Variants in HMCN1 observed in about 807,000 individuals in gnomAD.
HMCN1 encodes the protein hemicentin 1, also known as hemicentin-1.
Under a neutral mutation model 625.9 loss-of-function variants are expected in HMCN1, and 321 were observed. The ratio of observed to expected loss-of-function variants is 0.51; its 90% CI spans 0.47 to 0.56. The LOEUF (loss-of-function observed/expected upper bound fraction) is 0.56, where lower values mean the gene tolerates loss of function less well. HMCN1 is among the 20% of genes least tolerant of loss of function. HMCN1 has a pLI of 0.00. For missense variants in HMCN1, 6,588 were observed against 6,887.3 expected (o/e 0.96, Z 1.54); for synonymous variants, 2,425 against 2,417.6 (o/e 1.00, Z -0.09).
intron 1 of HMCN1, among the ~76,000 whole-genome samples, chr1:185,840,608 A>G (rs1212692264): frequency 1.3e-5 from 2 of 152,158 alleles, no homozygotes; most frequent in African/African-American, 4.8e-5. Flanking sequence ...CAGAAAATTT[A>G]CTGTCTTCAT....
intron 52 of HMCN1, among the ~76,000 whole-genome samples, chr1:186,073,337 A>T (rs1291330802): frequency 6.6e-6 from 1 of 152,216 alleles, no homozygotes; most frequent in Non-Finnish European, 1.5e-5. Context: ...TGAAAGTCTG[A>T]TTGGAACATA....
chr1:185,798,335 T>A (rs753193411), intron 1 of HMCN1, among the ~76,000 whole-genome samples: 2 of 152,226 alleles, frequency 1.3e-5, no homozygotes, highest in Non-Finnish European at 2.9e-5. Context: ...GACTTTAGGC[T>A]GATGATTGTA....
In HMCN1 at chr1:186,190,442, GT is replaced by G; in HGVS notation, c.*567del. 1 of 198,340 alleles carries G rather than the reference GT, an allele frequency of 5.0e-6. No individual in the cohort carries two copies. The allele number at this position is 198,340 out of a possible 1,614,324, so 12.3% of individuals were successfully genotyped here. On this transcript the variant is annotated 3_prime_UTR_variant, in exon 107 of 107. Transcript: ENST00000271588. ...ATATAGTACAGCTACTATAAGGCTT[GT>G]TTGATCCCAAATGGTGCTTATCTTG...
rs554682410 is a variant in HMCN1 at position 185,941,146 on chromosome 1, C to A, written c.1828+7322C>A. Among the ~76,000 whole-genome samples, 93 of 152,284 alleles carry A rather than the reference C, an allele frequency of 6.1e-4. No homozygotes were observed. The East Asian group carries it at 6.8e-3, about 11-fold the overall frequency. ...CTGAGATTACAGGTGTGAGCCACTG[C>A]ACCTGGCCCTCTGAATACTTTTTAA... On this transcript the variant is annotated intron_variant, in intron 11 of 106. Transcript: ENST00000271588.
At chr1:185,980,567 A>C (rs1019710472) in intron 16 of HMCN1, among the ~76,000 whole-genome samples, 1 of 152,084 alleles carries the variant, frequency 6.6e-6, no homozygotes, top group African/African-American at 2.4e-5. Context: ...TCAACTAAAA[A>C]ATCTCCCCTG....
chr1:186,065,537 G>A (rs1558190486), intron 49 of HMCN1, 108 bp downstream of exon 49: 5 of 743,628 alleles, frequency 6.7e-6, no homozygotes, highest in Non-Finnish European at 1.0e-5. Context: ...ATTTCATCAT[G>A]TAAGGAGGAC....
intron 1 of HMCN1, among the ~76,000 whole-genome samples, chr1:185,824,519 C>G (rs1660391361): frequency 6.6e-6 from 1 of 152,254 alleles, no homozygotes; most frequent in Non-Finnish European, 1.5e-5. Flanking sequence ...AATAAACACT[C>G]AGGTATTAAT....
intron 35 of HMCN1, among the ~76,000 whole-genome samples, chr1:186,021,948 T>TATAGTGGC (rs1418695485): frequency 6.6e-6 from 1 of 152,100 alleles, no homozygotes; most frequent in East Asian, 1.9e-4. Context: ...CTGAGAAACA[T>TATAGTGGC]ATAGTGGCAT....
chr1:185,967,015 G>A (rs1331561599), intron 14 of HMCN1, among the ~76,000 whole-genome samples: 1 of 151,768 alleles, frequency 6.6e-6, no homozygotes, highest in African/African-American at 2.4e-5. Context: ...GGTTTATGTT[G>A]GTTAACATAA....
intron 1 of HMCN1, among the ~76,000 whole-genome samples, chr1:185,812,810 A>T (rs893262086): frequency 4.6e-5 from 7 of 151,926 alleles, no homozygotes; most frequent in Admixed American, 4.6e-4. Context: ...CCCCCCCCAC[A>T]CACATTCCCC....
rs182316865 is a variant in HMCN1, at chr1:185,977,355, G to T, written c.2372-432G>T. 2.0e-4 allele frequency among the ~76,000 whole-genome samples: 30 copies of T among 152,184 alleles called. No homozygotes were observed. In the East Asian group the frequency reaches 4.8e-3, roughly 24 times the overall value. ...AGTGATTATAGAATAATGAACTCTG[G>T]TATAAATTAATTTAAAAATTCAACC... is the stretch of plus-strand genomic sequence containing the variant. On this transcript the variant is annotated intron_variant, in intron 15 of 106. Coordinates refer to ENST00000271588, the MANE Select transcript of HMCN1 (RefSeq NM_031935.3).
rs1469816828 is a variant in HMCN1, at chr1:186,098,694, A to G, written c.10573+3173A>G. ...AATCCCACTACTGGATATATATCCA[A>G]AGGAAATGAAATCAGTATGTCAAAT... On this transcript the variant is annotated intron_variant, in intron 68 of 106. Transcript: ENST00000271588. 2.6e-5 allele frequency among the ~76,000 whole-genome samples: 4 copies of G among 152,182 alleles called. 1 individual carries two copies. The East Asian group carries it at 5.8e-4, about 22-fold the overall frequency.
chr1:185,865,247 G>A (rs1411692992), intron 3 of HMCN1, among the ~76,000 whole-genome samples: 1 of 152,188 alleles, frequency 6.6e-6, no homozygotes, highest in Admixed American at 6.5e-5. Flanking sequence ...AAACACTTGA[G>A]AGCAAATGGA....
chr1:185,744,508 T>C (rs903051372), intron 1 of HMCN1, among the ~76,000 whole-genome samples: 4 of 152,214 alleles, frequency 2.6e-5, no homozygotes, highest in Non-Finnish European at 5.9e-5. Flanking sequence ...ACTCATTCAT[T>C]CAGTTATTTA....
At chr1:186,131,878 C>G (rs1236393294) in intron 85 of HMCN1, among the ~76,000 whole-genome samples, 1 of 152,098 alleles carries the variant, frequency 6.6e-6, no homozygotes, top group Non-Finnish European at 1.5e-5. Context: ...ACGCTCTAGA[C>G]AAAGGTCCAG....
At chr1:185,994,707 T>C in intron 23 of HMCN1, 108 bp from the exon 24 acceptor site, 1 of 1,146,606 alleles carries the variant, frequency 8.7e-7, no homozygotes, top group Non-Finnish European at 1.3e-6. Context: ...AATTCTGAAA[T>C]TATTTCACTT....
chr1:185,779,833 CT>C (rs1486398558), intron 1 of HMCN1, among the ~76,000 whole-genome samples: 1 of 152,114 alleles, frequency 6.6e-6, no homozygotes, highest in Non-Finnish European at 1.5e-5. Context: ...AATGCAGGCT[CT>C]TTTTTGGTTC....
chr1:186,108,426 C>G, intron 70 of HMCN1, 35 bp from the exon 71 acceptor site: 2 of 1,613,844 alleles, frequency 1.2e-6, no homozygotes, highest in South Asian at 1.1e-5. Context: ...TATGATAATA[C>G]AGATTGCTTT....
At chr1:186,114,415 GC>G (rs1278836533) in intron 73 of HMCN1, among the ~76,000 whole-genome samples, 9 of 151,918 alleles carry the variant, frequency 5.9e-5, no homozygotes, top group South Asian at 2.1e-4. Flanking sequence ...ACGCCAGCAC[GC>G]CCAGCTAATT....
Sources: allele counts gnomAD v4.1 joint callset (sites outside exome capture counted in the v4.1 genomes callset), GRCh38; gene constraint gnomAD v4.1.1; transcripts MANE v1.5; gene names NCBI Gene and HGNC (gene_info 2026-07-23, HGNC 2026-07-21).